Variants in CFAP52 observed in about 807,000 individuals in gnomAD.
CFAP52 encodes cilia- and flagella-associated protein 52.
A neutral mutation model predicts 70.5 loss-of-function variants in CFAP52; 57 were observed. That is an observed-to-expected ratio of 0.81 (90% CI 0.65 to 1.01). The LOEUF is 1.01. Ranked by LOEUF, CFAP52 falls within the 50% of genes least tolerant of loss-of-function variation. The probability of loss-of-function intolerance (pLI) is 0.00; values close to 1 mark genes in which losing one functional copy is unlikely to be tolerated. For synonymous variants in CFAP52, 267 were observed against 292.5 expected (o/e 0.91, Z 0.89); for missense variants, 785 against 788.5 (o/e 1.00, Z 0.05).
chr17:9,605,284 G>C (rs886985776), intron 6 of CFAP52, among the ~76,000 whole-genome samples: 3 of 152,102 alleles, frequency 2.0e-5, no homozygotes, highest in Non-Finnish European at 4.4e-5. Flanking sequence ...GAGCTATAAA[G>C]TCAGGAAAAG....
At chr17:9,640,208 T>A (rs1461908335) in intron 12 of CFAP52, among the ~76,000 whole-genome samples, 1 of 151,626 alleles carries the variant, frequency 6.6e-6, no homozygotes, top group African/African-American at 2.4e-5. Context: ...GCACTCCTGA[T>A]TCCTGGTCAA....
At chr17:9,586,482 T>C (rs1908482782) in intron 2 of CFAP52, among the ~76,000 whole-genome samples, 1 of 151,016 alleles carries the variant, frequency 6.6e-6, no homozygotes, top group Admixed American at 6.6e-5. Context: ...GAGAAGTGCT[T>C]GAACCCAGGA....
intron 8 of CFAP52, among the ~76,000 whole-genome samples, chr17:9,624,752 T>G (rs948256875): frequency 7.2e-5 from 11 of 152,184 alleles, no homozygotes; most frequent in African/African-American, 2.7e-4. Context: ...TTTTTGTTGT[T>G]GAAAACTCAG....
chr17:9,627,441 G>C (rs1910281381), intron 8 of CFAP52, among the ~76,000 whole-genome samples: 1 of 152,130 alleles, frequency 6.6e-6, no homozygotes, highest in Non-Finnish European at 1.5e-5. Context: ...AACACAGGAG[G>C]TGGAGTAAGC....
intron 4 of CFAP52, among the ~76,000 whole-genome samples, chr17:9,596,706 T>TTG (rs901998115): frequency 1.1e-4 from 17 of 151,138 alleles, no homozygotes; most frequent in Admixed American, 5.9e-4. Flanking sequence ...CTCATGGTTG[T>TTG]TGTGTGTGTG....
intron 9 of CFAP52, among the ~76,000 whole-genome samples, chr17:9,631,028 A>AAGAAAGAAAGAGAGAGAG (rs1555544250): frequency 2.2e-5 from 1 of 44,710 alleles, no homozygotes; most frequent in African/African-American, 1.2e-4. Flanking sequence ...GAAAGAAAGA[A>AAGAAAGAAAGAGAGAGAG]AGAGAGAGAG....
intron 12 of CFAP52, among the ~76,000 whole-genome samples, chr17:9,639,361 G>T (rs962973534): frequency 6.6e-6 from 1 of 151,916 alleles, no homozygotes; most frequent in Non-Finnish European, 1.5e-5. Flanking sequence ...AACCTGGGAA[G>T]TGGAGGTTGC....
intron 6 of CFAP52, among the ~76,000 whole-genome samples, chr17:9,605,210 T>C (rs149758398): frequency 1.3e-5 from 2 of 152,212 alleles, no homozygotes; most frequent in Non-Finnish European, 2.9e-5. Flanking sequence ...CTTCAGTAAG[T>C]AAAGGGATAC....
At chr17:9,626,738 C>T (rs1910250630) in intron 8 of CFAP52, among the ~76,000 whole-genome samples, 1 of 152,168 alleles carries the variant, frequency 6.6e-6, no homozygotes, top group Non-Finnish European at 1.5e-5. Context: ...CAAGAAGCCC[C>T]ATCACATCTG....
chr17:9,589,017 A>G (rs9898166), intron 3 of CFAP52, among the ~76,000 whole-genome samples: 151,313 of 152,204 alleles, frequency 0.99, 75,223 homozygotes, highest in East Asian at 1. Flanking sequence ...CAGGAGAATC[A>G]CTTGAACCTG....
intron 9 of CFAP52, among the ~76,000 whole-genome samples, chr17:9,631,068 A>AAGAAAGAAAGAAAGAG (rs1910508881): frequency 9.4e-6 from 1 of 106,588 alleles, no homozygotes; most frequent in Admixed American, 8.9e-5. Flanking sequence ...GAAAGAAAGA[A>AAGAAAGAAAGAAAGAG]AGAAAGAAAG....
At chr17:9,640,671 T>C (rs1008706333) in intron 12 of CFAP52, among the ~76,000 whole-genome samples, 1 of 152,128 alleles carries the variant, frequency 6.6e-6, no homozygotes, top group East Asian at 1.9e-4. Flanking sequence ...TCTCACTTTG[T>C]CACCCAGGCT....
At position 9,643,275 on chromosome 17, in the gene CFAP52, G is replaced by C. The variant is rs942237869; in HGVS notation, c.*77G>C. 1.6e-6 allele frequency: 2 copies of C among 1,258,130 alleles called. No individual in the cohort carries two copies. Among genetic ancestry groups the C allele is most frequent in the Non-Finnish European group, 1.0e-6 (1 of 962,486 alleles). 77.9% of individuals were successfully genotyped at this position (1,258,130 alleles called of 1,614,324 possible). ...CTGAGTTTAGATAACTCCAACACTA[G>C]TCTTCATTTCTCACAGCTCTGTTTT... On this transcript the variant is annotated 3_prime_UTR_variant, in exon 14 of 14. Coordinates refer to ENST00000352665, the MANE Select transcript of CFAP52 (RefSeq NM_145054.5).
At chr17:9,596,053 G>GTATATGTATGTAGATATATA (rs1908988515) in intron 4 of CFAP52, among the ~76,000 whole-genome samples, 1 of 73,614 alleles carries the variant, frequency 1.4e-5, no homozygotes, top group African/African-American at 6.0e-5. Context: ...AGATATATAT[G>GTATATGTATGTAGATATATA]TGTGTGTATA....
Position 9,581,891 on chromosome 17 carries a change from C to T in CFAP52, c.71-3882C>T, listed in dbSNP as rs993154324. Among the ~76,000 whole-genome samples the T allele has an allele frequency of 3.3e-5, 5 of 152,170 alleles. No homozygotes were observed. In the South Asian group the frequency reaches 1.0e-3, roughly 32 times the overall value. On this transcript the variant is annotated intron_variant, in intron 1 of 13. Coordinates refer to ENST00000352665, the MANE Select transcript of CFAP52 (RefSeq NM_145054.5). ...AGGAGTGATGCAAAGGAGCATTGAG[C>T]GTTGAGCAGTGTGGCCATGAGAGGT...
At chr17:9,602,469 G>T (rs1324226931) in intron 6 of CFAP52, among the ~76,000 whole-genome samples, 1 of 152,058 alleles carries the variant, frequency 6.6e-6, no homozygotes, top group African/African-American at 2.4e-5. Context: ...CTTTTTTATG[G>T]CTGCATAGTA....
In CFAP52 at chr17:9,576,659, C is replaced by CT. The variant is rs1436808542; in HGVS notation, c.-36dup. ...TAACGACCAGAAGACGCTGCAGCCACTAGGGAGGAGAGCAAAGTAATCAGA... is the reference window on the plus strand; with the variant it reads ...TAACGACCAGAAGACGCTGCAGCCACTTAGGGAGGAGAGCAAAGTAATCAGA... On this transcript the variant is annotated 5_prime_UTR_variant, in exon 1 of 14. Transcript: ENST00000352665. 1.9e-6 allele frequency: 3 copies of CT among 1,580,730 alleles called. No homozygotes were observed. Among genetic ancestry groups the CT allele is most frequent in the Non-Finnish European group, 2.6e-6 (3 of 1,158,796 alleles).
intron 1 of CFAP52, among the ~76,000 whole-genome samples, chr17:9,579,463 T>C (rs1177231051): frequency 6.6e-6 from 1 of 152,168 alleles, no homozygotes; most frequent in Non-Finnish European, 1.5e-5. Context: ...AGGCCTTAAA[T>C]GCCAAGTGAT....
chr17:9,628,751 C>T lies in CFAP52; in HGVS notation c.1105C>T (p.Arg369Trp), dbSNP rs776460331. Residue 369 changes from arginine (R) to tryptophan (W), a missense_variant, in exon 9 of 14, where the codon CGG becomes TGG. Transcript: ENST00000352665. ...WHTSSNRELL[R>W]ITVPNMTCHG... ...CACATCATCCAACAGGGAGCTGCTGCGGATCACCGTGCCCAACATGACCTG... is the reference window on the plus strand; with the variant it reads ...CACATCATCCAACAGGGAGCTGCTGTGGATCACCGTGCCCAACATGACCTG... The T allele has an allele frequency of 9.9e-6, 16 of 1,614,002 alleles. No homozygotes were observed. The highest frequency in any genetic ancestry group is 2.2e-5 in the East Asian group (1 of 44,884).
Sources: gnomAD v4.1 joint callset for allele counts (sites outside exome capture counted in the v4.1 genomes callset) on GRCh38, gnomAD v4.1.1 for gene constraint, MANE v1.5 for transcripts, NCBI Gene and HGNC (gene_info 2026-07-23, HGNC 2026-07-21) for gene names.